NAP1L1: variants seen among roughly 807,000 people sequenced by gnomAD.
The protein encoded by NAP1L1 is nucleosome assembly protein 1-like 1.
Under a neutral mutation model 58.9 loss-of-function variants are expected in NAP1L1, and 9 were observed. That is an observed-to-expected ratio of 0.15 (90% confidence interval 0.09 to 0.27). NAP1L1 has a LOEUF of 0.27. Ranked by LOEUF, NAP1L1 falls within the 10% of genes least tolerant of loss-of-function variation. The pLI is 1.00. For missense variants in NAP1L1, 302 were observed against 458.8 expected, an observed-to-expected ratio of 0.66 and a Z score of 3.12; for synonymous variants, 130 against 138.3, an observed-to-expected ratio of 0.94 and a Z score of 0.42.
At position 76,046,075 on chromosome 12, in the gene NAP1L1, G is replaced by A. The variant is rs1247349986; in HGVS notation, c.*2354C>T. Reference sequence around the variant, plus strand: ...ATATTTACAGAACATAGTGGCCTCAGCACAAAATAGCTCCCTCTAGACATC... The same window carrying A: ...ATATTTACAGAACATAGTGGCCTCAACACAAAATAGCTCCCTCTAGACATC... On this transcript the variant is annotated 3_prime_UTR_variant, in exon 15 of 15. Transcript: ENST00000618691. The A allele has an allele frequency of 1.3e-5, 2 of 151,360 alleles. No homozygotes were observed. The highest frequency in any genetic ancestry group is 3.0e-5 in the Non-Finnish European group (2 of 67,732). The allele number at this position is 151,360 out of a possible 1,614,324, so 9.4% of individuals were successfully genotyped here.
Position 76,041,004 on chromosome 12 carries a change from T to A in NAP1L1, c.*7425A>T, listed in dbSNP as rs1372852112. On this transcript the variant is annotated 3_prime_UTR_variant, in exon 15 of 15. Transcript: ENST00000618691. ...GTCAAGTTTTGGGGGAATCAGCTTA[T>A]ACATAGATTTGACTGAAGGAAGCTG... 6.6e-6 allele frequency: 1 copy of A among 152,276 alleles called. No individual in the cohort carries two copies. The highest frequency in any genetic ancestry group is 1.5e-5 in the Non-Finnish European group (1 of 68,054). The allele number at this position is 152,276 out of a possible 1,614,324, so 9.4% of individuals were successfully genotyped here. A position where few individuals can be genotyped will look rare whatever the true frequency, so the allele number is the denominator to read the frequency against.
chr12:76,079,428 A>T (rs1302656748), intron 1 of NAP1L1, among the ~76,000 whole-genome samples: 2 of 152,206 alleles, frequency 1.3e-5, no homozygotes, highest in Non-Finnish European at 2.9e-5. Context: ...TGAACCCAGG[A>T]GTTTGAGGTT....
At chr12:76,063,809 A>G (rs1193237156) in intron 4 of NAP1L1, among the ~76,000 whole-genome samples, 5 of 151,326 alleles carry the variant, frequency 3.3e-5, no homozygotes, top group African/African-American at 1.2e-4. Context: ...AAATAAAAGC[A>G]GCAAACACTG....
chr12:76,053,500 T>TCCCC, intron 9 of NAP1L1, 150 bp from the exon 10 acceptor site: 2 of 955,246 alleles, frequency 2.1e-6, no homozygotes. Flanking sequence ...AAAATTTTAT[T>TCCCC]TCTAAGCAAA....
intron 3 of NAP1L1, among the ~76,000 whole-genome samples, chr12:76,068,178 A>T (rs1263043585): frequency 6.6e-6 from 1 of 152,210 alleles, no homozygotes; most frequent in Non-Finnish European, 1.5e-5. Context: ...TTTACTTCTG[A>T]TAATAATTCA....
At chr12:76,057,327 C>T (rs1949156888) in intron 6 of NAP1L1, 1 of 335,608 alleles carries the variant, frequency 3.0e-6, no homozygotes, top group East Asian at 7.0e-5. Flanking sequence ...GAAATAATGA[C>T]TTTTTGAGTA....
intron 1 of NAP1L1, among the ~76,000 whole-genome samples, chr12:76,080,361 T>C (rs1950354452): frequency 6.6e-6 from 1 of 152,240 alleles, no homozygotes; most frequent in South Asian, 2.1e-4. Context: ...GTATTTACTA[T>C]ACTATGCTTT....
Position 76,038,930 on chromosome 12 carries a change from C to G in NAP1L1, c.*9499G>C, listed in dbSNP as rs940231513. 1 of 152,134 alleles carries G rather than the reference C, an allele frequency of 6.6e-6. No homozygotes were observed. The highest frequency in any genetic ancestry group is 2.4e-5 in the African/African-American group (1 of 41,416). 9.4% of individuals were successfully genotyped at this position (152,134 alleles called of 1,614,324 possible). ...AGTCATTGTCTCAACCTAATTTGTG[C>G]ATGCATGGTTCTGAGAAAGGTTATC... On this transcript the variant is annotated 3_prime_UTR_variant, in exon 15 of 15. Transcript: ENST00000618691.
rs1034280999 is a variant in NAP1L1 at position 76,041,975 on chromosome 12, T to C, written c.*6454A>G. ...AAGGCCAAAGAAAGTAAACAGCATA[T>C]GAAAACACATGTATTAAAATAAAAC... On this transcript the variant is annotated 3_prime_UTR_variant, in exon 15 of 15. Coordinates refer to ENST00000618691, the MANE Select transcript of NAP1L1 (RefSeq NM_004537.7). The C allele has an allele frequency of 6.6e-6, 1 of 152,146 alleles. No individual in the cohort carries two copies. Among genetic ancestry groups the C allele is most frequent in the African/African-American group, 2.4e-5 (1 of 41,432 alleles). The allele number at this position is 152,146 out of a possible 1,614,324, so 9.4% of individuals were successfully genotyped here.
Position 76,067,477 on chromosome 12 carries a change from TAA to T in NAP1L1, c.104-6_104-5del. 3.5e-6 allele frequency: 5 copies of T among 1,415,684 alleles called. No individual in the cohort carries two copies. Among genetic ancestry groups the T allele is most frequent in the Admixed American group, 1.9e-5 (1 of 51,340 alleles). The allele number at this position is 1,415,684 out of a possible 1,614,324, so 87.7% of individuals were successfully genotyped here. A position where few individuals can be genotyped will look rare whatever the true frequency, so the allele number is the denominator to read the frequency against. On this transcript the variant is annotated splice_polypyrimidine_tract_variant and splice_region_variant and intron_variant, in intron 3 of 14. Coordinates refer to ENST00000618691, the MANE Select transcript of NAP1L1 (RefSeq NM_004537.7). Reference sequence around the variant, plus strand: ...ATCTGAACAGTTAGCTGACGTGCTTTAAAAAAAAAAGGGCATCGAAAGAAGGA... The same window carrying T: ...ATCTGAACAGTTAGCTGACGTGCTTTAAAAAAAAGGGCATCGAAAGAAGGA...
chr12:76,057,718 T>A lies in NAP1L1; in HGVS notation c.430-1557A>T, dbSNP rs1299328195. 4 of 1,542,582 alleles carry A rather than the reference T, an allele frequency of 2.6e-6. No homozygotes were observed. In the Admixed American group the frequency reaches 5.9e-5, roughly 23 times the overall value. On this transcript the variant is annotated intron_variant, in intron 6 of 14. Transcript: ENST00000618691. ...ATGTAGACAATGATTAGAGAAGAAT[T>A]TTCCAAATGAATATGCAAAACTTAC...
intron 14 of NAP1L1, 186 bp downstream of exon 14, chr12:76,049,014 T>C (rs1948702208): frequency 3.5e-6 from 2 of 568,416 alleles, no homozygotes; most frequent in South Asian, 2.7e-5. Flanking sequence ...CAATGTTTTT[T>C]AGAAAAACGT....
intron 2 of NAP1L1, among the ~76,000 whole-genome samples, chr12:76,071,791 T>TCAG (rs1949963535): frequency 6.6e-6 from 1 of 152,050 alleles, no homozygotes; most frequent in Non-Finnish European, 1.5e-5. Context: ...CAGGAAAGGG[T>TCAG]AAAATTCAGA....
At chr12:76,060,412 T>A in intron 4 of NAP1L1, 133 bp from the exon 5 acceptor site, 1 of 826,532 alleles carries the variant, frequency 1.2e-6, no homozygotes, top group Non-Finnish European at 1.9e-6. Context: ...AGATTCAAAG[T>A]AAATAAAAAT....
At chr12:76,067,581 C>A (rs1949740289) in intron 3 of NAP1L1, 108 bp from the exon 4 acceptor site, 5 of 790,050 alleles carry the variant, frequency 6.3e-6, no homozygotes, top group Non-Finnish European at 1.0e-5. Flanking sequence ...CCATAAATTG[C>A]TGGTATATCT....
intron 14 of NAP1L1, among the ~76,000 whole-genome samples, 155 bp from the exon 15 acceptor site, chr12:76,048,619 T>C (rs537810547): frequency 6.6e-6 from 1 of 152,214 alleles, no homozygotes; most frequent in African/African-American, 2.4e-5. Flanking sequence ...TATTAGCAAG[T>C]CACTGAAATG....
chr12:76,058,819 T>C (rs1278444982), intron 6 of NAP1L1, among the ~76,000 whole-genome samples: 1 of 152,254 alleles, frequency 6.6e-6, no homozygotes, highest in Non-Finnish European at 1.5e-5. Flanking sequence ...ACCAATAATA[T>C]GTCTCCTTGC....
At position 76,063,881 on chromosome 12, in the gene NAP1L1, TAAAAA is replaced by T. The variant is rs10693123; in HGVS notation, c.206+3485_206+3489del. ...AAAAAGACATACTAGGTTAAAAGTTTAAAAAAAAAAAAAAAAAAAAAGAGGCTGGG... is the reference window on the plus strand; with the variant it reads ...AAAAAGACATACTAGGTTAAAAGTTTAAAAAAAAAAAAAAAAGAGGCTGGG... On this transcript the variant is annotated intron_variant, in intron 4 of 14. Transcript: ENST00000618691. Among the ~76,000 whole-genome samples the T allele has an allele frequency of 8.2e-3, 1,130 of 137,496 alleles. 14 individuals carry two copies. The highest frequency in any genetic ancestry group is 0.03 in the African/African-American group (1,074 of 36,002). The allele number at this position is 137,496 out of a possible 152,430, so 90.2% of individuals were successfully genotyped here.
At chr12:76,069,275 G>A (rs754162566) in intron 2 of NAP1L1, among the ~76,000 whole-genome samples, 2 of 152,126 alleles carry the variant, frequency 1.3e-5, no homozygotes, top group African/African-American at 2.4e-5. Context: ...CAACAAGTAC[G>A]TGCATTCAAC....
Sources: allele counts gnomAD v4.1 joint callset (sites outside exome capture counted in the v4.1 genomes callset), GRCh38; gene constraint gnomAD v4.1.1; transcripts MANE v1.5; gene names NCBI Gene and HGNC (gene_info 2026-07-23, HGNC 2026-07-21).